Variants in UNC13B observed in about 807,000 individuals in gnomAD.
The protein encoded by UNC13B is unc-13 homolog B.
In UNC13B, 144 loss-of-function variants were observed where a neutral mutation model predicts 211.0. The observed-to-expected ratio is 0.68, with a 90% CI of 0.60 to 0.78. UNC13B has a LOEUF of 0.78. UNC13B is among the 30% of genes least tolerant of loss of function. The pLI is 0.00. For missense variants in UNC13B, 1,777 were observed against 2,002.0 expected (o/e 0.89, Z 2.14); for synonymous variants, 709 against 725.8 (o/e 0.98, Z 0.37).
intron 7 of UNC13B, among the ~76,000 whole-genome samples, chr9:35,265,765 C>G (rs1827534548): frequency 6.6e-6 from 1 of 151,924 alleles, no homozygotes; most frequent in Admixed American, 6.6e-5. Context: ...AGTGAGACCC[C>G]CATCTCTACA....
chr9:35,383,077 T>C (rs1340357078), intron 21 of UNC13B, among the ~76,000 whole-genome samples: 1 of 152,232 alleles, frequency 6.6e-6, no homozygotes, highest in Non-Finnish European at 1.5e-5. Flanking sequence ...AACAACTTGG[T>C]TGAATTACGA....
At chr9:35,394,322 A>G (rs2015513) in intron 26 of UNC13B, among the ~76,000 whole-genome samples, 25,242 of 152,102 alleles carry the variant, frequency 0.17, 3,170 homozygotes, top group African/African-American at 0.34. Flanking sequence ...TAGGCCAGGC[A>G]TGGGGGCTCA....
chr9:35,246,177 T>C (rs1048849253), intron 6 of UNC13B, among the ~76,000 whole-genome samples: 55 of 152,288 alleles, frequency 3.6e-4, no homozygotes, highest in African/African-American at 1.3e-3. Context: ...TCATGTCCTT[T>C]GCCCACTTGT....
chr9:35,249,984 C>T (rs1274451102), intron 6 of UNC13B, among the ~76,000 whole-genome samples: 2 of 152,044 alleles, frequency 1.3e-5, no homozygotes, highest in Admixed American at 6.6e-5. Context: ...ATATACTGTA[C>T]AGTTCACTCA....
At chr9:35,363,315 G>C (rs186256307) in intron 11 of UNC13B, among the ~76,000 whole-genome samples, 4 of 152,230 alleles carry the variant, frequency 2.6e-5, no homozygotes, top group Non-Finnish European at 2.9e-5. Context: ...GATAGTGAAG[G>C]GGGAGAGGTA....
At position 35,302,857 on chromosome 9, in the gene UNC13B, G is replaced by A. The variant is rs1294260231; in HGVS notation, c.3453G>A (p.Leu1151=). The stretch of plus-strand genomic sequence containing the variant: ...CCCAAGGAAGCTTCCTTTCTGGCCT[G>A]TTTAATAGGTTTTCTTCTGCTGAAA... ...KNTQGSFLSG[L]FNRFSSAENL... is the part of the protein sequence containing the mutation. Residue 1151 remains leucine, a synonymous_variant, in exon 9 of 40, where the codon CTG becomes CTA. Coordinates refer to ENST00000635942, the MANE Select transcript of UNC13B (RefSeq NM_001371189.2). 2.5e-6 allele frequency: 1 copy of A among 398,608 alleles called. No individual in the cohort carries two copies. Among genetic ancestry groups the A allele is most frequent in the Non-Finnish European group, 4.4e-6 (1 of 225,726 alleles). The allele number at this position is 398,608 out of a possible 1,614,324, so 24.7% of individuals were successfully genotyped here. A position where few individuals can be genotyped will look rare whatever the true frequency, so the allele number is the denominator to read the frequency against.
chr9:35,310,361 T>G lies in UNC13B; in HGVS notation c.9009-106T>G, dbSNP rs949374547. ...CCTCTCTTCCCAGGAACCTCCTATT[T>G]GATTCTTGCTACTAATGTAGTCATT... On this transcript the variant is annotated intron_variant, in intron 9 of 39. Coordinates refer to ENST00000635942, the MANE Select transcript of UNC13B (RefSeq NM_001371189.2). The G allele has an allele frequency of 4.0e-6, 5 of 1,237,598 alleles. No homozygotes were observed. In the Admixed American group the frequency reaches 1.1e-4, roughly 27 times the overall value. 76.7% of individuals were successfully genotyped at this position (1,237,598 alleles called of 1,614,324 possible).
At chr9:35,384,392 A>C (rs1464991373) in intron 22 of UNC13B, 78 bp downstream of exon 22, 1 of 1,542,158 alleles carries the variant, frequency 6.5e-7, no homozygotes, top group Non-Finnish European at 8.8e-7. Flanking sequence ...AATCTTGGCT[A>C]TAAAGATTGA....
chr9:35,277,237 G>C (rs1429372600), intron 7 of UNC13B, among the ~76,000 whole-genome samples: 3 of 152,170 alleles, frequency 2.0e-5, no homozygotes, highest in Non-Finnish European at 2.9e-5. Flanking sequence ...GTAATTTGCA[G>C]TATTTTCTGG....
At chr9:35,203,176 T>G (rs2131384284) in intron 1 of UNC13B, among the ~76,000 whole-genome samples, 2 of 152,338 alleles carry the variant, frequency 1.3e-5, no homozygotes, top group Middle Eastern at 6.8e-3. Flanking sequence ...AATATTGTTA[T>G]GTGTGAATTT....
At position 35,307,583 on chromosome 9, in the gene UNC13B, C is replaced by T. The variant is rs1228862889; in HGVS notation, c.8179C>T (p.Pro2727Ser). The change falls in exon 9 of 40, where the codon CCT (proline) becomes TCT (serine). Residue 2727 changes from proline (P) to serine (S), a missense_variant. Coordinates refer to ENST00000635942, the MANE Select transcript of UNC13B (RefSeq NM_001371189.2). ...TLETEGHFSH[P>S]LLEDPVLAAR... ...GGAAACCGAAGGGCACTTTTCTCATCCTCTGCTGGAGGACCCTGTGCTTGC... is the reference window on the plus strand; with the variant it reads ...GGAAACCGAAGGGCACTTTTCTCATTCTCTGCTGGAGGACCCTGTGCTTGC... 5.0e-6 allele frequency: 2 copies of T among 399,006 alleles called. No homozygotes were observed. The highest frequency in any genetic ancestry group is 8.8e-6 in the Non-Finnish European group (2 of 226,166). 24.7% of individuals were successfully genotyped at this position (399,006 alleles called of 1,614,324 possible).
intron 7 of UNC13B, among the ~76,000 whole-genome samples, chr9:35,292,099 G>A (rs1262471847): frequency 2.0e-5 from 3 of 152,074 alleles, no homozygotes; most frequent in Admixed American, 6.6e-5. Flanking sequence ...AAGCAACTAA[G>A]CCATGAAAAA....
intron 7 of UNC13B, among the ~76,000 whole-genome samples, chr9:35,285,048 T>C (rs1828713426): frequency 6.6e-6 from 1 of 152,202 alleles, no homozygotes; most frequent in Non-Finnish European, 1.5e-5. Flanking sequence ...CCTGTGAGTG[T>C]GTTGCTGTAG....
chr9:35,225,433 G>A (rs972977092), intron 1 of UNC13B, among the ~76,000 whole-genome samples: 1 of 152,196 alleles, frequency 6.6e-6, no homozygotes, highest in African/African-American at 2.4e-5. Flanking sequence ...GGGATTACAG[G>A]TGTGAGCCAC....
chr9:35,297,821 T>C (rs1829470735), intron 8 of UNC13B, among the ~76,000 whole-genome samples: 1 of 152,156 alleles, frequency 6.6e-6, no homozygotes, highest in Admixed American at 6.5e-5. Context: ...AGTGCTGGGA[T>C]TACAGGCGTG....
chr9:35,401,252 G>A (rs867624670), intron 37 of UNC13B, among the ~76,000 whole-genome samples: 4 of 152,158 alleles, frequency 2.6e-5, no homozygotes, highest in Non-Finnish European at 5.9e-5. Context: ...TGTGAATCTG[G>A]GGCACAGGGC....
chr9:35,163,203 C>T (rs1455264219), intron 1 of UNC13B, among the ~76,000 whole-genome samples: 4 of 152,138 alleles, frequency 2.6e-5, no homozygotes, highest in African/African-American at 7.2e-5. Context: ...AGGTTACAGC[C>T]TATCATATCT....
At chr9:35,333,858 G>T (rs896595668) in intron 11 of UNC13B, among the ~76,000 whole-genome samples, 11 of 152,208 alleles carry the variant, frequency 7.2e-5, no homozygotes, top group African/African-American at 2.7e-4. Context: ...CACTGTAATT[G>T]GGCTAATATG....
chr9:35,290,928 T>C (rs557747458), intron 7 of UNC13B: 347 of 755,528 alleles, frequency 4.6e-4, no homozygotes, highest in Non-Finnish European at 4.7e-4. Flanking sequence ...CTCTATGTTA[T>C]GTAAAGTTAG....
Sources: gnomAD v4.1 joint callset for allele counts (sites outside exome capture counted in the v4.1 genomes callset) on GRCh38, gnomAD v4.1.1 for gene constraint, MANE v1.5 for transcripts, NCBI Gene and HGNC (gene_info 2026-07-23, HGNC 2026-07-21) for gene names.